Variants in EMC7 observed in about 807,000 individuals in gnomAD.
EMC7 encodes the protein ER membrane protein complex subunit 7.
A neutral mutation model predicts 24.4 loss-of-function variants in EMC7; 4 were observed. That is an observed-to-expected ratio of 0.16 (90% confidence interval 0.08 to 0.38). EMC7 has a LOEUF of 0.38. Among genes scored for constraint, EMC7 ranks in the 10% least tolerant of loss-of-function variants. The pLI is 1.00. For synonymous variants in EMC7, 106 were observed against 112.0 expected (o/e 0.95, Z 0.34); for missense variants, 221 against 300.6 (o/e 0.74, Z 1.96).
At chr15:34,094,788 A>G (rs762761594) in intron 2 of EMC7, among the ~76,000 whole-genome samples, 1 of 152,190 alleles carries the variant, frequency 6.6e-6, no homozygotes, top group Non-Finnish European at 1.5e-5. Flanking sequence ...TTGTCTATCA[A>G]TAGGAGCCGG....
chr15:34,098,028 T>A (rs988478777), intron 1 of EMC7, among the ~76,000 whole-genome samples: 1 of 151,860 alleles, frequency 6.6e-6, no homozygotes. Context: ...AAGCCAGAAT[T>A]GAAATGTAAA....
chr15:34,092,178 T>A (rs941617034), intron 2 of EMC7, among the ~76,000 whole-genome samples: 4 of 150,888 alleles, frequency 2.7e-5, no homozygotes, highest in Non-Finnish European at 4.4e-5. Flanking sequence ...GGCAGGAGAA[T>A]CACTCGAACC....
intron 3 of EMC7, among the ~76,000 whole-genome samples, chr15:34,088,728 C>T (rs954411782): frequency 3.3e-5 from 5 of 152,282 alleles, no homozygotes; most frequent in African/African-American, 9.6e-5. Context: ...GCCTCTTTAT[C>T]TCTGATTACA....
intron 1 of EMC7, 86 bp from the exon 2 acceptor site, chr15:34,096,100 A>G (rs1375322442): frequency 7.3e-7 from 1 of 1,374,668 alleles, no homozygotes; most frequent in African/African-American, 1.5e-5. Context: ...AACTCTCCCG[A>G]AAAATGACAT....
intron 2 of EMC7, among the ~76,000 whole-genome samples, chr15:34,095,338 T>C (rs1901047598): frequency 6.6e-6 from 1 of 152,226 alleles, no homozygotes; most frequent in Non-Finnish European, 1.5e-5. Flanking sequence ...ACTATACAAA[T>C]GTTTCAACTT....
At chr15:34,086,187 T>C (rs1446986814) in intron 4 of EMC7, 1 of 397,904 alleles carries the variant, frequency 2.5e-6, no homozygotes, top group Non-Finnish European at 4.9e-6. Flanking sequence ...ACGAACACTG[T>C]TGTCAACACC....
At chr15:34,085,331 A>G (rs1900861366) in intron 4 of EMC7, among the ~76,000 whole-genome samples, 1 of 152,214 alleles carries the variant, frequency 6.6e-6, no homozygotes, top group Admixed American at 6.5e-5. Context: ...TGAGCCAAAA[A>G]TCTATAAAGT....
chr15:34,098,267 C>T (rs1440858737), intron 1 of EMC7, among the ~76,000 whole-genome samples: 1 of 152,182 alleles, frequency 6.6e-6, no homozygotes. Flanking sequence ...CTACTCTCCT[C>T]TTCCTTCAGG....
At chr15:34,084,557 G>C in intron 4 of EMC7, 71 bp from the exon 5 acceptor site, 1 of 1,525,738 alleles carries the variant, frequency 6.6e-7, no homozygotes, top group Non-Finnish European at 8.9e-7. Flanking sequence ...TTCCTATTAA[G>C]GAAAAAGTAA....
intron 2 of EMC7, among the ~76,000 whole-genome samples, chr15:34,094,649 C>T (rs928256631): frequency 6.6e-6 from 1 of 151,878 alleles, no homozygotes; most frequent in Non-Finnish European, 1.5e-5. Context: ...ATGCAATGAG[C>T]CAAGATTGCG....
At chr15:34,086,364 G>T (rs554858115) in intron 4 of EMC7, 6 of 201,452 alleles carry the variant, frequency 3.0e-5, no homozygotes, top group South Asian at 8.3e-5. Flanking sequence ...CCAAGGAAGA[G>T]AGCTTCTGAA....
At chr15:34,090,501 A>G (rs950544086) in intron 2 of EMC7, 46 bp from the exon 3 acceptor site, 10 of 1,578,552 alleles carry the variant, frequency 6.3e-6, no homozygotes, top group Non-Finnish European at 8.6e-6. Context: ...CATTAAAAAC[A>G]TTACTGGTTA....
At chr15:34,085,009 CTTATT>C (rs1304533011) in intron 4 of EMC7, among the ~76,000 whole-genome samples, 5 of 151,620 alleles carry the variant, frequency 3.3e-5, no homozygotes, top group East Asian at 1.9e-4. Context: ...ATATTCCTCT[CTTATT>C]TTATGTTTTC....
At chr15:34,087,404 C>T (rs721122) in intron 4 of EMC7, among the ~76,000 whole-genome samples, 21,554 of 152,202 alleles carry the variant, frequency 0.14, 1,812 homozygotes, top group South Asian at 0.26. Context: ...AGCAAATCCT[C>T]TCCCTCTGCA....
At position 34,097,039 on chromosome 15, in the gene EMC7, CT is replaced by C. The variant is rs553769836; in HGVS notation, c.237-1026del. Among the ~76,000 whole-genome samples the C allele has an allele frequency of 1.0e-4, 10 of 97,620 alleles. 1 individual carries two copies. In the Admixed American group the frequency reaches 1.1e-3, roughly 11 times the overall value. 64.0% of individuals were successfully genotyped at this position (97,620 alleles called of 152,430 possible). ...CAATTTTTGGTTTTCTGTTCTTCTT[CT>C]TTTTTTTTTTTGAGACGGAGTCTCA... is the stretch of plus-strand genomic sequence containing the variant. On this transcript the variant is annotated intron_variant, in intron 1 of 4. Transcript: ENST00000256545.
intron 3 of EMC7, among the ~76,000 whole-genome samples, chr15:34,089,500 G>C (rs923973806): frequency 2.0e-5 from 3 of 152,142 alleles, no homozygotes; most frequent in African/African-American, 7.2e-5. Context: ...TTTATTATTA[G>C]TGAGTATCAT....
At chr15:34,087,242 T>G (rs1480308971) in intron 4 of EMC7, among the ~76,000 whole-genome samples, 1 of 152,188 alleles carries the variant, frequency 6.6e-6, no homozygotes, top group Non-Finnish European at 1.5e-5. Flanking sequence ...ATCTATATAC[T>G]AAATAAAATG....
At chr15:34,093,825 T>TATATATATATATATATATA (rs34734350) in intron 2 of EMC7, among the ~76,000 whole-genome samples, 1 of 20,824 alleles carries the variant, frequency 4.8e-5, no homozygotes, top group African/African-American at 1.8e-4. Context: ...ATATATATAT[T>TATATATATATATATATATA]TTTTTTTTTT....
chr15:34,094,331 C>T (rs182293252), intron 2 of EMC7, among the ~76,000 whole-genome samples: 4 of 151,836 alleles, frequency 2.6e-5, no homozygotes, highest in African/African-American at 4.8e-5. Flanking sequence ...GTCAGGAGTT[C>T]GAGACCAGCC....
Sources: gnomAD v4.1 joint callset for allele counts (sites outside exome capture counted in the v4.1 genomes callset) on GRCh38, gnomAD v4.1.1 for gene constraint, MANE v1.5 for transcripts, NCBI Gene and HGNC (gene_info 2026-07-23, HGNC 2026-07-21) for gene names.